The following SDHA variants were observed in gnomAD, a reference collection of about 807,000 sequenced individuals.
SDHA encodes succinate dehydrogenase complex flavoprotein subunit A.
Under a neutral mutation model 78.4 loss-of-function variants are expected in SDHA, and 48 were observed. The ratio of observed to expected loss-of-function variants is 0.61; its 90% CI spans 0.49 to 0.78. The LOEUF (loss-of-function observed/expected upper bound fraction) is 0.78. Ranked by LOEUF, SDHA falls within the 30% of genes least tolerant of loss-of-function variation. SDHA has a pLI of 0.00. For missense variants in SDHA, 680 were observed against 892.7 expected (o/e 0.76, Z 3.04); for synonymous variants, 326 against 353.9 (o/e 0.92, Z 0.88).
In SDHA at chr5:236,576, G is replaced by T; in HGVS notation, c.1409G>T (p.Ser470Ile). The change falls in exon 10 of 15, where the codon AGC becomes ATC. Residue 470 changes from serine to isoleucine, a missense_variant. Transcript: ENST00000264932. ...GTCTTTGGTCGGGCATGTGCCCTGA[G>T]CATCGAAGAGTCATGCAGGCCTGGT... is the stretch of plus-strand genomic sequence containing the variant. ...LVVFGRACAL[S>I]IEESCRPGDK... 1 of 1,614,048 alleles carries T rather than the reference G, an allele frequency of 6.2e-7. No homozygotes were observed. The highest frequency in any genetic ancestry group is 8.5e-7 in the Non-Finnish European group (1 of 1,179,878).
intron 11 of SDHA, among the ~76,000 whole-genome samples, chr5:247,800 G>A (rs574664450): frequency 2.8e-4 from 43 of 152,228 alleles, no homozygotes; most frequent in African/African-American, 9.4e-4. Flanking sequence ...AACAGATAAC[G>A]CCCCAGGCTA....
At chr5:239,287 G>C (rs1480600050) in intron 10 of SDHA, among the ~76,000 whole-genome samples, 1 of 139,516 alleles carries the variant, frequency 7.2e-6, no homozygotes, top group African/African-American at 3.2e-5. Context: ...AATCTTGGCT[G>C]TGCGCAGTGG....
the SDHA span, among the ~76,000 whole-genome samples, chr5:268,573 T>C: frequency 6.6e-6 from 1 of 152,192 alleles, no homozygotes; most frequent in Non-Finnish European, 1.5e-5. Flanking sequence ...GGATCTGGGC[T>C]TGAATCTCCT....
rs550992277 is a variant in SDHA, at chr5:256,585, A to G, written c.*165A>G. ...GTGGCTGGGAGCTTGCCAGGAACCCAGTGGCCAGGGAGCGTGGCACTTACC... is the reference window on the plus strand; with the variant it reads ...GTGGCTGGGAGCTTGCCAGGAACCCGGTGGCCAGGGAGCGTGGCACTTACC... On this transcript the variant is annotated 3_prime_UTR_variant, in exon 15 of 15. Transcript: ENST00000264932. The G allele has an allele frequency of 1.1e-4, 75 of 690,674 alleles. No homozygotes were observed. The African/African-American group carries it at 1.1e-3, about 11-fold the overall frequency. The allele number at this position is 690,674 out of a possible 1,614,324, so 42.8% of individuals were successfully genotyped here.
rs1579389777 is a variant in SDHA at position 227,689 on chromosome 5, A to T, written c.622-496A>T. 5 of 222,228 alleles carry T rather than the reference A, an allele frequency of 2.2e-5. No individual in the cohort carries two copies. In the South Asian group the frequency reaches 3.3e-4, roughly 15 times the overall value. The allele number at this position is 222,228 out of a possible 1,614,324, so 13.8% of individuals were successfully genotyped here. A position where few individuals can be genotyped will look rare whatever the true frequency, so the allele number is the denominator to read the frequency against. ...GGCGCCTACCTTTCTGCGGTGCCGG[A>T]ATCTGCTCGTCTGCAACCGTCCGCT... On this transcript the variant is annotated intron_variant, in intron 5 of 14. Coordinates refer to ENST00000264932, the MANE Select transcript of SDHA (RefSeq NM_004168.4).
chr5:253,924 G>A (rs1188849602), intron 13 of SDHA, among the ~76,000 whole-genome samples: 1 of 152,126 alleles, frequency 6.6e-6, no homozygotes, highest in Non-Finnish European at 1.5e-5. Context: ...GCCAGGTGTG[G>A]TGGTAGCACA....
chr5:244,627 A>G (rs535412652), intron 11 of SDHA, among the ~76,000 whole-genome samples: 1 of 152,348 alleles, frequency 6.6e-6, no homozygotes, highest in East Asian at 1.9e-4. Context: ...GCAGGAGCGG[A>G]CATTTCAATC....
At chr5:247,481 C>G (rs1327764373) in intron 11 of SDHA, among the ~76,000 whole-genome samples, 1 of 152,222 alleles carries the variant, frequency 6.6e-6, no homozygotes, top group African/African-American at 2.4e-5. Flanking sequence ...GTGTTAATGC[C>G]TCTGGTCTCA....
At chr5:264,981 A>C in the SDHA span, among the ~76,000 whole-genome samples, 1 of 150,730 alleles carries the variant, frequency 6.6e-6, no homozygotes, top group Non-Finnish European at 1.5e-5. Flanking sequence ...GCCGAGGTGG[A>C]CAGATCACCT....
chr5:255,037 G>A lies in SDHA; in HGVS notation c.1908+531G>A, dbSNP rs557561446. On this transcript the variant is annotated intron_variant, in intron 14 of 14. Coordinates refer to ENST00000264932, the MANE Select transcript of SDHA (RefSeq NM_004168.4). ...AGAAATGGAGGTGGGGTTGGGGTGA[G>A]CAGTGTCCTGGGAACAGCCAGCCGA... Among the ~76,000 whole-genome samples, 30 of 151,544 alleles carry A rather than the reference G, an allele frequency of 2.0e-4. 1 individual carries two copies. The highest frequency in any genetic ancestry group is 2.6e-4 in the Non-Finnish European group (18 of 67,964).
chr5:261,328 A>G (rs1282383629), downstream of SDHA, among the ~76,000 whole-genome samples: 2 of 18,916 alleles, frequency 1.1e-4, no homozygotes, highest in Non-Finnish European at 9.5e-5. Flanking sequence ...GCCTCCCGGC[A>G]GAGCATTACC....
chr5:265,847 G>T, the SDHA span, among the ~76,000 whole-genome samples: 2 of 136,140 alleles, frequency 1.5e-5, no homozygotes, highest in African/African-American at 3.4e-5. Flanking sequence ...TTGTCAAATT[G>T]CCACCCCAAT....
intron 11 of SDHA, among the ~76,000 whole-genome samples, chr5:242,443 A>C (rs1736201481): frequency 1.3e-5 from 2 of 152,154 alleles, no homozygotes; most frequent in Non-Finnish European, 2.9e-5. Context: ...CAGAGCCCAT[A>C]CCTTTGTTTC....
At chr5:260,333 GT>G (rs1737439226), downstream of SDHA, among the ~76,000 whole-genome samples, 1 of 5,320 alleles carries the variant, frequency 1.9e-4, no homozygotes. Flanking sequence ...TCCGCCTCCC[GT>G]CAGAGCATTA....
Position 254,458 on chromosome 5 carries a change from G to A in SDHA, c.1860G>A (p.Glu620=), listed in dbSNP as rs1447230295. The A allele has an allele frequency of 3.1e-6, 5 of 1,591,158 alleles. No homozygotes were observed. The highest frequency in any genetic ancestry group is 4.3e-6 in the Non-Finnish European group (5 of 1,169,012). ...IQGQQKKPFE[E]HWRKHTLSYV... ...GGCAACAGAAGAAGCCCTTTGAGGA[G>A]CACTGGAGGAAGCACACCCTGTCCT... The change falls in exon 14 of 15, where the codon GAG becomes GAA. Residue 620 remains glutamate (E), a synonymous_variant. Coordinates refer to ENST00000264932, the MANE Select transcript of SDHA (RefSeq NM_004168.4).
intron 11 of SDHA, among the ~76,000 whole-genome samples, chr5:243,629 C>T (rs564655766): frequency 3.8e-4 from 58 of 152,248 alleles, no homozygotes; most frequent in African/African-American, 1.3e-3. Flanking sequence ...CCAAAAGAAC[C>T]GTACGCTGAT....
intron 6 of SDHA, among the ~76,000 whole-genome samples, chr5:230,433 C>A (rs1245061835): frequency 6.6e-6 from 1 of 152,006 alleles, no homozygotes; most frequent in East Asian, 1.9e-4. Context: ...TCGAGACCAG[C>A]CTGGCCAACA....
At chr5:232,756 C>T (rs1735495422) in intron 7 of SDHA, among the ~76,000 whole-genome samples, 1 of 152,182 alleles carries the variant, frequency 6.6e-6, no homozygotes, top group Admixed American at 6.5e-5. Context: ...TTTCGAAATA[C>T]ATTTAGTTTA....
Position 235,354 on chromosome 5 carries a change from T to C in SDHA, c.1260+15T>C, listed in dbSNP as rs778457213. On this transcript the variant is annotated intron_variant, in intron 9 of 14. Transcript: ENST00000264932. The stretch of plus-strand genomic sequence containing the variant: ...ACAAGGGGCAGGTGATGGTGCTGGC[T>C]CCTCCCCCACAGCTGGAAAGAAGGC... 1.1e-5 allele frequency: 18 copies of C among 1,613,530 alleles called. No individual in the cohort carries two copies. The Admixed American group carries it at 2.7e-4, about 24-fold the overall frequency.
Sources: allele counts gnomAD v4.1 joint callset (sites outside exome capture counted in the v4.1 genomes callset), GRCh38; gene constraint gnomAD v4.1.1; transcripts MANE v1.5; gene names NCBI Gene and HGNC (gene_info 2026-07-23, HGNC 2026-07-21).